The following ZNF169 variants were observed in gnomAD, a reference collection of about 807,000 sequenced individuals.
ZNF169 encodes zinc finger protein 169.
Under a neutral mutation model 12.0 loss-of-function variants are expected in ZNF169, and 11 were observed. The ratio of observed to expected loss-of-function variants is 0.92; its 90% CI spans 0.58 to 1.52. The LOEUF (loss-of-function observed/expected upper bound fraction) is 1.52, where lower values mean the gene tolerates loss of function less well. Ranked by LOEUF, ZNF169 falls within the 40% of genes most tolerant of loss-of-function variation. The pLI, the probability that ZNF169 is intolerant of heterozygous loss-of-function variation, is 0.00. For synonymous variants in ZNF169, 302 were observed against 286.5 expected, an observed-to-expected ratio of 1.05 and a Z score of -0.55; for missense variants, 722 against 744.0, an observed-to-expected ratio of 0.97 and a Z score of 0.34.
chr9:94,288,388 G>A (rs10821336), intron 2 of ZNF169: 74,241 of 1,221,152 alleles, frequency 0.061, 3,900 homozygotes, highest in South Asian at 0.12. Context: ...CAGACTGCCC[G>A]TCACTTTGGT....
At chr9:94,260,812 ATTT>A (rs561717345) in intron 1 of ZNF169, among the ~76,000 whole-genome samples, 198 of 70,104 alleles carry the variant, frequency 2.8e-3, no homozygotes, top group African/African-American at 5.6e-3. Context: ...CCAAACCTAC[ATTT>A]TTTTTTTTTT....
intron 2 of ZNF169, among the ~76,000 whole-genome samples, chr9:94,289,455 G>A (rs1830785737): frequency 6.6e-6 from 1 of 151,932 alleles, no homozygotes; most frequent in East Asian, 1.9e-4. Context: ...ATTATGATAA[G>A]CTATATATAT....
intron 1 of ZNF169, among the ~76,000 whole-genome samples, chr9:94,267,858 C>A (rs1336234047): frequency 1.8e-5 from 2 of 114,224 alleles, no homozygotes; most frequent in South Asian, 3.1e-4. Flanking sequence ...TATAAAACTG[C>A]CTTCTTTTTT....
chr9:94,263,868 T>C (rs1830246879), intron 1 of ZNF169, among the ~76,000 whole-genome samples: 1 of 151,892 alleles, frequency 6.6e-6, no homozygotes, highest in African/African-American at 2.4e-5. Context: ...TTTAACTTAA[T>C]TCAATATAAC....
At position 94,301,367 on chromosome 9, in the gene ZNF169, C is replaced by G. The variant is rs1831075384; in HGVS notation, c.1809C>G (p.Phe603Leu). 1 of 1,598,340 alleles carries G rather than the reference C, an allele frequency of 6.3e-7. No individual in the cohort carries two copies. Among genetic ancestry groups the G allele is most frequent in the South Asian group, 1.1e-5 (1 of 90,138 alleles). The change falls in exon 5 of 5, where the codon TTC (phenylalanine) becomes TTG (leucine). Residue 603 changes from phenylalanine (F) to leucine (L), a missense_variant. Coordinates refer to ENST00000395395, the MANE Select transcript of ZNF169 (RefSeq NM_194320.4). ...SGHQLLPQEVF is the reference protein window; with the variant it reads ...SGHQLLPQEVL Reference sequence around the variant, plus strand: ...ATCAGCTCCTACCCCAAGAGGTCTTCTGACCTTTCCTTTCCCCGTGAGTGT... The same window carrying G: ...ATCAGCTCCTACCCCAAGAGGTCTTGTGACCTTTCCTTTCCCCGTGAGTGT...
In ZNF169 at chr9:94,294,621, C is replaced by T. The variant is rs1464181544; in HGVS notation, c.256+1552C>T. 3.3e-5 allele frequency: 5 copies of T among 152,170 alleles called. No homozygotes were observed. In the East Asian group the frequency reaches 5.8e-4, roughly 18 times the overall value. 9.4% of individuals were successfully genotyped at this position (152,170 alleles called of 1,614,324 possible). On this transcript the variant is annotated intron_variant, in intron 4 of 4. Transcript: ENST00000395395. The stretch of plus-strand genomic sequence containing the variant: ...TCACCAACATTTGGGATTGTGAGAC[C>T]TCATGTTTTATCCATCTATTCAGCT...
chr9:94,266,271 A>G (rs972638971), intron 1 of ZNF169, among the ~76,000 whole-genome samples: 9 of 152,156 alleles, frequency 5.9e-5, no homozygotes, highest in Non-Finnish European at 2.9e-5. Flanking sequence ...GACCTGCCAC[A>G]ATCCCCACTG....
chr9:94,282,936 C>T (rs1239974941), intron 2 of ZNF169, among the ~76,000 whole-genome samples: 1 of 152,150 alleles, frequency 6.6e-6, no homozygotes, highest in African/African-American at 2.4e-5. Context: ...CCTTCACCAT[C>T]ATGTTTTCAT....
intron 1 of ZNF169, among the ~76,000 whole-genome samples, chr9:94,270,761 A>G (rs1179569410): frequency 2.0e-5 from 1 of 51,278 alleles, no homozygotes; most frequent in Non-Finnish European, 4.7e-5. Flanking sequence ...TAATATATAA[A>G]TATATATGTT....
intron 3 of ZNF169, 167 bp downstream of exon 3, chr9:94,292,634 TGTGTGTGC>T: frequency 7.2e-6 from 6 of 839,012 alleles, no homozygotes; most frequent in South Asian, 5.4e-5. Flanking sequence ...TGTGTGTGTG[TGTGTGTGC>T]GCGTGCACAT....
chr9:94,270,735 AATTAATG>A (rs1830382780), intron 1 of ZNF169, among the ~76,000 whole-genome samples: 1 of 15,048 alleles, frequency 6.6e-5, no homozygotes, highest in South Asian at 5.2e-3. Context: ...TATATTATAT[AATTAATG>A]TATTTATATA....
intron 2 of ZNF169, among the ~76,000 whole-genome samples, chr9:94,290,699 G>A (rs1241015803): frequency 6.6e-6 from 1 of 152,004 alleles, no homozygotes; most frequent in East Asian, 1.9e-4. Flanking sequence ...GTTGTTTCCA[G>A]TTGTTGTGAA....
Position 94,280,019 on chromosome 9 carries a change from A to G in ZNF169, c.33+1174A>G, listed in dbSNP as rs188752287. Among the ~76,000 whole-genome samples, 5 of 152,318 alleles carry G rather than the reference A, an allele frequency of 3.3e-5. No homozygotes were observed. The East Asian group carries it at 7.7e-4, about 24-fold the overall frequency. ...TAGCTGCCAGGCAGGGCATTTTTGT[A>G]TTGATTTTATCAATTACACAAAATA... On this transcript the variant is annotated intron_variant, in intron 2 of 4. Transcript: ENST00000395395.
chr9:94,300,879 CAGA>C lies in ZNF169; in HGVS notation c.1324_1326del (p.Lys442del), dbSNP rs765664744. ...CCCCCAGTGTGGGCGGGGTTTTAGCCAGAAGGTCACCCTCATTGGACACCAGAG... is the reference window on the plus strand; with the variant it reads ...CCCCCAGTGTGGGCGGGGTTTTAGCCAGGTCACCCTCATTGGACACCAGAG... On this transcript the variant is annotated inframe_deletion, in exon 5 of 5. Coordinates refer to ENST00000395395, the MANE Select transcript of ZNF169 (RefSeq NM_194320.4). 17 of 1,612,128 alleles carry C rather than the reference CAGA, an allele frequency of 1.1e-5. No individual in the cohort carries two copies. Among genetic ancestry groups the C allele is most frequent in the Non-Finnish European group, 1.4e-5 (16 of 1,179,458 alleles).
chr9:94,284,492 C>T (rs1447459336), intron 2 of ZNF169, among the ~76,000 whole-genome samples: 1 of 152,046 alleles, frequency 6.6e-6, no homozygotes, highest in African/African-American at 2.4e-5. Context: ...TTTTTTATAA[C>T]AGCAGGAATG....
intron 1 of ZNF169, among the ~76,000 whole-genome samples, chr9:94,278,229 C>T (rs1211839174): frequency 6.6e-6 from 1 of 152,156 alleles, no homozygotes; most frequent in Non-Finnish European, 1.5e-5. Flanking sequence ...TTCCAAGTCA[C>T]ATTTCAAATT....
intron 1 of ZNF169, among the ~76,000 whole-genome samples, chr9:94,263,522 T>C (rs1157542677): frequency 3.9e-5 from 1 of 25,876 alleles, no homozygotes; most frequent in Non-Finnish European, 9.0e-5. Context: ...AGGTCTTGCT[T>C]TTTTTTTTTT....
At chr9:94,295,259 C>G (rs561922049) in intron 4 of ZNF169, 2 of 151,800 alleles carry the variant, frequency 1.3e-5, no homozygotes. Flanking sequence ...ACCTGGGAGG[C>G]GAAGGTTGCA....
intron 4 of ZNF169, among the ~76,000 whole-genome samples, chr9:94,296,245 G>A (rs1830948242): frequency 6.6e-6 from 1 of 152,142 alleles, no homozygotes; most frequent in Non-Finnish European, 1.5e-5. Flanking sequence ...TATTGAGTTT[G>A]AGAGTTCTTC....
Sources: gnomAD v4.1 joint callset for allele counts (sites outside exome capture counted in the v4.1 genomes callset) on GRCh38, gnomAD v4.1.1 for gene constraint, MANE v1.5 for transcripts, NCBI Gene and HGNC (gene_info 2026-07-23, HGNC 2026-07-21) for gene names.